The following CCDC91 variants were observed in gnomAD, a reference collection of about 807,000 sequenced individuals.
CCDC91 encodes the protein coiled-coil domain-containing protein 91.
In CCDC91, 48 loss-of-function variants were observed where a neutral mutation model predicts 63.2. The observed-to-expected ratio is 0.76, with a 90% CI of 0.60 to 0.97. The LOEUF is 0.97. Among genes scored for constraint, CCDC91 ranks in the 50% least tolerant of loss-of-function variants. CCDC91 has a pLI of 0.00. For synonymous variants in CCDC91, 167 were observed against 165.8 expected, an observed-to-expected ratio of 1.01 and a Z score of -0.06; for missense variants, 500 against 494.6, an observed-to-expected ratio of 1.01 and a Z score of -0.10.
intron 12 of CCDC91, among the ~76,000 whole-genome samples, chr12:28,485,689 A>G (rs1435344905): frequency 6.6e-6 from 1 of 152,204 alleles, no homozygotes; most frequent in Admixed American, 6.5e-5. Flanking sequence ...TCACTCAAAC[A>G]AATTCCTGAT....
At chr12:28,406,333 C>A (rs924347300) in intron 8 of CCDC91, among the ~76,000 whole-genome samples, 2 of 151,034 alleles carry the variant, frequency 1.3e-5, no homozygotes, top group Admixed American at 6.6e-5. Flanking sequence ...GTGTACAAGT[C>A]TTTGTATGGA....
chr12:28,191,917 G>T (rs1941288242), intron 1 of CCDC91, among the ~76,000 whole-genome samples: 1 of 152,114 alleles, frequency 6.6e-6, no homozygotes, highest in African/African-American at 2.4e-5. Flanking sequence ...TGCCTAGGAG[G>T]GTGTTCTGTG....
At chr12:28,247,022 T>C (rs2136035602) in intron 1 of CCDC91, among the ~76,000 whole-genome samples, 1 of 152,336 alleles carries the variant, frequency 6.6e-6, no homozygotes, top group South Asian at 2.1e-4. Context: ...GATCAGCCTG[T>C]TCATTTGACA....
intron 7 of CCDC91, among the ~76,000 whole-genome samples, chr12:28,368,978 A>G (rs938699471): frequency 6.6e-6 from 1 of 152,102 alleles, no homozygotes; most frequent in African/African-American, 2.4e-5. Context: ...CCCCTGACAC[A>G]TGGGAATTAC....
chr12:28,538,255 C>G (rs955283002), intron 12 of CCDC91, among the ~76,000 whole-genome samples: 1 of 89,340 alleles, frequency 1.1e-5, no homozygotes, highest in South Asian at 5.0e-4. Context: ...ATCCCTCCCC[C>G]TTCCCCCCCC....
rs1288879345 is a variant in CCDC91, at chr12:28,195,285, C to G, written c.-15+4644C>G. Among the ~76,000 whole-genome samples the G allele has an allele frequency of 9.2e-5, 14 of 152,232 alleles. No homozygotes were observed. In the South Asian group the frequency reaches 2.7e-3, roughly 29 times the overall value. ...CTACACAGAAAAGTTCTCCAAGTCC[C>G]CTACCCGATTAGCTAGACACAGAGT... On this transcript the variant is annotated intron_variant, in intron 1 of 12. Transcript: ENST00000536442.
intron 6 of CCDC91, among the ~76,000 whole-genome samples, chr12:28,358,779 T>G (rs1309138904): frequency 1.3e-5 from 2 of 152,216 alleles, no homozygotes; most frequent in Admixed American, 1.3e-4. Context: ...AGATAATTTT[T>G]GAGCATGATG....
At chr12:28,482,660 T>TA (rs1204853282) in intron 11 of CCDC91, among the ~76,000 whole-genome samples, 1 of 151,932 alleles carries the variant, frequency 6.6e-6, no homozygotes, top group African/African-American at 2.4e-5. Flanking sequence ...AAATAAATGT[T>TA]ATCAAGGATG....
chr12:28,457,670 A>C (rs1475643703), intron 11 of CCDC91, among the ~76,000 whole-genome samples: 1 of 151,788 alleles, frequency 6.6e-6, no homozygotes, highest in Non-Finnish European at 1.5e-5. Flanking sequence ...TAATTCTCAG[A>C]ATTTACTTGA....
At chr12:28,380,485 A>G (rs1273334775) in intron 7 of CCDC91, among the ~76,000 whole-genome samples, 1 of 152,094 alleles carries the variant, frequency 6.6e-6, no homozygotes, top group Non-Finnish European at 1.5e-5. Context: ...TGTTGTAGCA[A>G]TGTGAGTCTC....
At chr12:28,354,241 T>C (rs1014797721) in intron 6 of CCDC91, among the ~76,000 whole-genome samples, 1 of 152,176 alleles carries the variant, frequency 6.6e-6, no homozygotes, top group African/African-American at 2.4e-5. Context: ...GTCTTCCGGC[T>C]TCTATTAGTG....
intron 12 of CCDC91, among the ~76,000 whole-genome samples, chr12:28,545,055 C>T (rs550455872): frequency 2.0e-5 from 3 of 151,852 alleles, no homozygotes; most frequent in Non-Finnish European, 4.4e-5. Context: ...TGTGTAAGAG[C>T]TGAATAGAAA....
chr12:28,198,971 T>TG (rs1941996788), intron 1 of CCDC91: 1 of 151,746 alleles, frequency 6.6e-6, no homozygotes, highest in Admixed American at 6.6e-5. Flanking sequence ...TGAAGTGTAG[T>TG]GGCGCCATCA....
At chr12:28,340,685 A>T (rs956150359) in intron 6 of CCDC91, among the ~76,000 whole-genome samples, 1 of 152,118 alleles carries the variant, frequency 6.6e-6, no homozygotes, top group African/African-American at 2.4e-5. Context: ...GAGCATACAG[A>T]TGGGCAGGTT....
chr12:28,405,932 A>G (rs1451556306), intron 8 of CCDC91, among the ~76,000 whole-genome samples: 1 of 148,600 alleles, frequency 6.7e-6, no homozygotes, highest in Non-Finnish European at 1.5e-5. Context: ...ATGTCCATTC[A>G]GTAGTATGTT....
intron 8 of CCDC91, among the ~76,000 whole-genome samples, chr12:28,442,759 C>G (rs1173903224): frequency 6.6e-6 from 1 of 151,918 alleles, no homozygotes; most frequent in Non-Finnish European, 1.5e-5. Context: ...AGATCAGAAA[C>G]AAAAGACCGT....
intron 1 of CCDC91, among the ~76,000 whole-genome samples, chr12:28,227,196 T>C (rs1944324690): frequency 6.6e-6 from 1 of 152,132 alleles, no homozygotes; most frequent in Non-Finnish European, 1.5e-5. Context: ...ACTGGAAAGT[T>C]ATTCTTTTTC....
At chr12:28,248,242 G>A (rs1945888640) in intron 1 of CCDC91, among the ~76,000 whole-genome samples, 1 of 152,146 alleles carries the variant, frequency 6.6e-6, no homozygotes, top group Admixed American at 6.5e-5. Context: ...GGTTGGTGGG[G>A]GAGATGTTGA....
intron 1 of CCDC91, among the ~76,000 whole-genome samples, chr12:28,224,638 TG>T (rs1203581490): frequency 5.9e-5 from 9 of 152,192 alleles, no homozygotes; most frequent in African/African-American, 1.9e-4. Flanking sequence ...AGGGAGGGTT[TG>T]CATCTGTAGG....
Sources: allele counts gnomAD v4.1 joint callset (sites outside exome capture counted in the v4.1 genomes callset), GRCh38; gene constraint gnomAD v4.1.1; transcripts MANE v1.5; gene names NCBI Gene and HGNC (gene_info 2026-07-23, HGNC 2026-07-21).